The following PLXNA4 variants were observed in gnomAD, a reference collection of about 807,000 sequenced individuals.
PLXNA4 encodes plexin A4, also known as plexin-A4.
A neutral mutation model predicts 191.8 loss-of-function variants in PLXNA4; 44 were observed. The ratio of observed to expected loss-of-function variants is 0.23; its 90% confidence interval spans 0.18 to 0.29. The LOEUF is 0.29. PLXNA4 is among the 10% of genes least tolerant of loss of function. The pLI, the probability that PLXNA4 is intolerant of heterozygous loss-of-function variation, is 1.00. For synonymous variants in PLXNA4, 1,082 were observed against 1,009.5 expected, an observed-to-expected ratio of 1.07 and a Z score of -1.36; for missense variants, 1,800 against 2,488.8, an observed-to-expected ratio of 0.72 and a Z score of 5.89.
intron 1 of PLXNA4, among the ~76,000 whole-genome samples, chr7:132,648,285 C>A (rs1803924467): frequency 6.6e-6 from 1 of 152,204 alleles, no homozygotes; most frequent in Non-Finnish European, 1.5e-5. Context: ...ATCAATAATT[C>A]CTGATTACTG....
intron 30 of PLXNA4, among the ~76,000 whole-genome samples, chr7:132,134,074 G>T (rs759091296): frequency 6.6e-6 from 1 of 152,208 alleles, no homozygotes; most frequent in Non-Finnish European, 1.5e-5. Context: ...CAGAGGGGAT[G>T]GGGGAGGACA....
chr7:132,192,421 T>C (rs1263513187), intron 14 of PLXNA4, among the ~76,000 whole-genome samples: 6 of 145,344 alleles, frequency 4.1e-5, no homozygotes, highest in Non-Finnish European at 6.0e-5. Flanking sequence ...GGAAGGCAGA[T>C]GAGATAAAGG....
intron 3 of PLXNA4, chr7:132,384,828 G>T (rs1029129985): frequency 2.2e-5 from 25 of 1,148,432 alleles, no homozygotes; most frequent in Non-Finnish European, 2.7e-5. Context: ...GGACAGATGA[G>T]CATAAGGTTA....
At chr7:132,410,188 C>T (rs1563083266) in intron 3 of PLXNA4, among the ~76,000 whole-genome samples, 1 of 152,102 alleles carries the variant, frequency 6.6e-6, no homozygotes, top group Non-Finnish European at 1.5e-5. Context: ...CTGTGCCCAC[C>T]TCCCCGTGCC....
chr7:132,241,032 G>A, intron 5 of PLXNA4, 34 bp downstream of exon 5: 1 of 1,503,466 alleles, frequency 6.7e-7, no homozygotes. Context: ...AGGAGGAAGT[G>A]GGAGGCACGA....
chr7:132,274,557 T>C (rs1584932660), intron 4 of PLXNA4, among the ~76,000 whole-genome samples: 1 of 152,206 alleles, frequency 6.6e-6, no homozygotes, highest in East Asian at 1.9e-4. Context: ...TTGTTATAAC[T>C]CCTTTGTAAC....
intron 11 of PLXNA4, 28 bp downstream of exon 11, chr7:132,203,295 C>T (rs1476189527): frequency 5.1e-6 from 8 of 1,554,170 alleles, no homozygotes; most frequent in Non-Finnish European, 7.1e-6. Context: ...TCCCCTCCCT[C>T]CCCTGCTAGG....
At chr7:132,324,012 A>G (rs1156854044) in intron 3 of PLXNA4, among the ~76,000 whole-genome samples, 1 of 152,178 alleles carries the variant, frequency 6.6e-6, no homozygotes, top group African/African-American at 2.4e-5. Context: ...CTAGGCAGGG[A>G]TCATCAGAGA....
intron 4 of PLXNA4, among the ~76,000 whole-genome samples, chr7:132,269,073 G>A (rs761875862): frequency 3.9e-5 from 6 of 152,046 alleles, no homozygotes; most frequent in Admixed American, 6.6e-5. Flanking sequence ...GGACACATGC[G>A]TCCTCCCCCA....
intron 2 of PLXNA4, among the ~76,000 whole-genome samples, chr7:132,631,299 A>G (rs956221316): frequency 6.6e-6 from 1 of 152,208 alleles, no homozygotes; most frequent in African/African-American, 2.4e-5. Flanking sequence ...TGTATCCATG[A>G]GACACATACA....
intron 2 of PLXNA4, 49 bp downstream of exon 2, chr7:132,507,457 T>C: frequency 6.5e-7 from 1 of 1,546,798 alleles, no homozygotes; most frequent in Non-Finnish European, 8.7e-7. Context: ...GCTGGGGTTC[T>C]CATCCTACAC....
At chr7:132,232,894 C>T (rs1050450078) in intron 5 of PLXNA4, among the ~76,000 whole-genome samples, 1 of 152,216 alleles carries the variant, frequency 6.6e-6, no homozygotes, top group Non-Finnish European at 1.5e-5. Flanking sequence ...ATCTGTGAGT[C>T]CAGCCTGAGT....
chr7:132,367,467 G>C (rs1804233684), intron 3 of PLXNA4, among the ~76,000 whole-genome samples: 1 of 151,260 alleles, frequency 6.6e-6, no homozygotes, highest in Non-Finnish European at 1.5e-5. Context: ...AGAAGGAACT[G>C]CCATGGAGCC....
rs541855321 is a variant in PLXNA4, at chr7:132,179,659, T to C, written c.3874+28A>G. 6 of 1,602,682 alleles carry C rather than the reference T, an allele frequency of 3.7e-6. No individual in the cohort carries two copies. In the African/African-American group the frequency reaches 4.0e-5, roughly 11 times the overall value. ...ACATATGCACACACGCACACACACA[T>C]GGCCTCCAGCATGGGGCCACTCAGT... On this transcript the variant is annotated intron_variant, in intron 20 of 31. Coordinates refer to ENST00000321063, the MANE Select transcript of PLXNA4 (RefSeq NM_020911.2).
chr7:132,647,811 TACAC>T (rs1803909081), intron 1 of PLXNA4, among the ~76,000 whole-genome samples: 1 of 150,868 alleles, frequency 6.6e-6, no homozygotes, highest in Non-Finnish European at 1.5e-5. Flanking sequence ...GTCACACACA[TACAC>T]ATACACTCAA....
At position 132,182,476 on chromosome 7, in the gene PLXNA4, T is replaced by C. The variant is rs1233116191; in HGVS notation, c.3159-286A>G. Among the ~76,000 whole-genome samples, 5 of 152,158 alleles carry C rather than the reference T, an allele frequency of 3.3e-5. No homozygotes were observed. The East Asian group carries it at 9.7e-4, about 29-fold the overall frequency. Reference sequence around the variant, plus strand: ...GTCAACAGCACAGCCCCCTTGGCTCTCCAAGGCCTCTTGATTTGTGCCAGC... The same window carrying C: ...GTCAACAGCACAGCCCCCTTGGCTCCCCAAGGCCTCTTGATTTGTGCCAGC... On this transcript the variant is annotated intron_variant, in intron 16 of 31. Coordinates refer to ENST00000321063, the MANE Select transcript of PLXNA4 (RefSeq NM_020911.2).
intron 7 of PLXNA4, 41 bp downstream of exon 7, chr7:132,227,410 G>A (rs1192935385): frequency 1.2e-6 from 2 of 1,612,928 alleles, no homozygotes; most frequent in African/African-American, 2.7e-5. Flanking sequence ...ATCTAGCCAG[G>A]AGGAAGAAGT....
In PLXNA4 at chr7:132,211,045, A is replaced by G. The variant is rs1797783627; in HGVS notation, c.2196T>C (p.Ser732=). 1 of 1,613,672 alleles carries G rather than the reference A, an allele frequency of 6.2e-7. No individual in the cohort carries two copies. The highest frequency in any genetic ancestry group is 8.5e-7 in the Non-Finnish European group (1 of 1,179,812). ...GGATGCATTCGTAGCCACGCTGCCC[A>G]GACTGGGGCTGGGGGAGGTTCTTGG... ...LKAKNLPQPQ[S]GQRGYECILN... The change falls in exon 10 of 32, where the codon TCT becomes TCC. Residue 732 remains serine, a synonymous_variant. Transcript: ENST00000321063.
At chr7:132,414,523 G>A (rs773962753) in intron 3 of PLXNA4, among the ~76,000 whole-genome samples, 1 of 151,982 alleles carries the variant, frequency 6.6e-6, no homozygotes, top group African/African-American at 2.4e-5. Flanking sequence ...GGTAGGGAGG[G>A]GAGAAAAAAA....
Sources: gnomAD v4.1 joint callset for allele counts (sites outside exome capture counted in the v4.1 genomes callset) on GRCh38, gnomAD v4.1.1 for gene constraint, MANE v1.5 for transcripts, NCBI Gene and HGNC (gene_info 2026-07-23, HGNC 2026-07-21) for gene names.